The following CDC42SE2 variants were observed in gnomAD, a reference collection of about 807,000 sequenced individuals.
CDC42SE2 encodes the protein CDC42 small effector 2.
Under a neutral mutation model 11.5 loss-of-function variants are expected in CDC42SE2, and 3 were observed. The ratio of observed to expected loss-of-function variants is 0.26; its 90% CI spans 0.12 to 0.67. The LOEUF is 0.67. Ranked by LOEUF, CDC42SE2 falls within the 30% of genes least tolerant of loss-of-function variation. The probability of loss-of-function intolerance (pLI) is 0.80; values close to 1 mark genes in which losing one functional copy is unlikely to be tolerated. For synonymous variants in CDC42SE2, 33 were observed against 34.8 expected (o/e 0.95, Z 0.18); for missense variants, 82 against 106.8 (o/e 0.77, Z 1.02).
At chr5:131,315,192 T>C (rs1306838413) in intron 1 of CDC42SE2, among the ~76,000 whole-genome samples, 1 of 152,076 alleles carries the variant, frequency 6.6e-6, no homozygotes. Flanking sequence ...TTTTGTCTAC[T>C]GTGTTAAGGC....
the CDC42SE2 span, among the ~76,000 whole-genome samples, chr5:131,212,721 T>C: frequency 6.6e-6 from 1 of 152,206 alleles, no homozygotes; most frequent in South Asian, 2.1e-4. Context: ...ATTTCCTTTC[T>C]TGTGAGTTCA....
chr5:131,347,172 A>G (rs1758868445), intron 2 of CDC42SE2, among the ~76,000 whole-genome samples: 2 of 152,206 alleles, frequency 1.3e-5, no homozygotes, highest in Admixed American at 6.5e-5. Context: ...GGAGATAGAG[A>G]CACAAAAAAG....
At chr5:131,247,049 A>G (rs1013317069) in intron 1 of CDC42SE2, among the ~76,000 whole-genome samples, 1 of 152,030 alleles carries the variant, frequency 6.6e-6, no homozygotes, top group African/African-American at 2.4e-5. Context: ...CAGTGCACCA[A>G]TCCTCTTAAA....
chr5:131,282,501 G>C (rs1757256503), intron 1 of CDC42SE2, among the ~76,000 whole-genome samples: 1 of 152,200 alleles, frequency 6.6e-6, no homozygotes, highest in South Asian at 2.1e-4. Context: ...GCATATTTGT[G>C]TGTATTTCCA....
chr5:131,261,911 G>C (rs1386731574), upstream of CDC42SE2, among the ~76,000 whole-genome samples: 2 of 145,280 alleles, frequency 1.4e-5, no homozygotes, highest in African/African-American at 5.1e-5. Context: ...GTCCTTAATT[G>C]ACTTTTTTTT....
chr5:131,310,989 G>T (rs994336965), intron 1 of CDC42SE2, among the ~76,000 whole-genome samples: 8 of 149,862 alleles, frequency 5.3e-5, no homozygotes, highest in East Asian at 1.9e-4. Context: ...TCATTATGAT[G>T]TTAGCTGGTT....
At chr5:131,319,661 C>A (rs370369753) in intron 2 of CDC42SE2, among the ~76,000 whole-genome samples, 5 of 152,214 alleles carry the variant, frequency 3.3e-5, no homozygotes, top group Admixed American at 3.3e-4. Context: ...TCTGTAACAT[C>A]CCGATAAAAT....
intron 3 of CDC42SE2, among the ~76,000 whole-genome samples, chr5:131,369,705 G>A (rs1483651115): frequency 1.3e-5 from 2 of 152,154 alleles, no homozygotes; most frequent in African/African-American, 2.4e-5. Flanking sequence ...TTAATAGGTT[G>A]TGAGCTTCAG....
intron 1 of CDC42SE2, among the ~76,000 whole-genome samples, chr5:131,310,772 C>T (rs1295315559): frequency 3.3e-5 from 5 of 151,672 alleles, no homozygotes; most frequent in Non-Finnish European, 7.4e-5. Context: ...CAACCCCTGC[C>T]TTTTTTTGTT....
chr5:131,219,292 T>C, the CDC42SE2 span, among the ~76,000 whole-genome samples: 1 of 152,218 alleles, frequency 6.6e-6, no homozygotes, highest in Non-Finnish European at 1.5e-5. Flanking sequence ...GATAATGGTA[T>C]AGATTGCACA....
chr5:131,347,775 G>T (rs1024802292), intron 2 of CDC42SE2, among the ~76,000 whole-genome samples: 24 of 152,140 alleles, frequency 1.6e-4, no homozygotes, highest in Non-Finnish European at 2.9e-4. Context: ...ACCAAATCCA[G>T]CAGCACCTCA....
intron 1 of CDC42SE2, among the ~76,000 whole-genome samples, chr5:131,297,287 T>G (rs1757589568): frequency 6.6e-6 from 1 of 152,042 alleles, no homozygotes; most frequent in Non-Finnish European, 1.5e-5. Context: ...TCCATTCTTC[T>G]CCATTGTTTT....
chr5:131,320,732 C>T (rs1758169871), intron 2 of CDC42SE2, among the ~76,000 whole-genome samples: 1 of 151,984 alleles, frequency 6.6e-6, no homozygotes, highest in Non-Finnish European at 1.5e-5. Flanking sequence ...CAGAGCGAGA[C>T]TCTGTCTCAA....
At chr5:131,259,301 A>G (rs996055543), upstream of CDC42SE2, among the ~76,000 whole-genome samples, 7 of 152,220 alleles carry the variant, frequency 4.6e-5, no homozygotes, top group African/African-American at 1.7e-4. Context: ...GATATACTGT[A>G]TGTTGTATAC....
intron 1 of CDC42SE2, among the ~76,000 whole-genome samples, chr5:131,286,911 T>G (rs1394324117): frequency 6.6e-6 from 1 of 151,868 alleles, no homozygotes; most frequent in Non-Finnish European, 1.5e-5. Context: ...ACTTGCAGAT[T>G]TTTGATGGAG....
At chr5:131,252,470 A>G (rs1477391724) in intron 1 of CDC42SE2, among the ~76,000 whole-genome samples, 2 of 152,132 alleles carry the variant, frequency 1.3e-5, no homozygotes, top group Non-Finnish European at 2.9e-5. Context: ...GCTGGCCTAC[A>G]TGGTGAAACC....
intron 2 of CDC42SE2, among the ~76,000 whole-genome samples, chr5:131,321,181 G>A (rs1758179133): frequency 6.6e-6 from 1 of 152,108 alleles, no homozygotes; most frequent in South Asian, 2.1e-4. Flanking sequence ...TTATCTTATG[G>A]TTAAATTCTG....
intron 2 of CDC42SE2, among the ~76,000 whole-genome samples, chr5:131,327,873 C>T (rs1377866649): frequency 6.6e-6 from 1 of 152,028 alleles, no homozygotes; most frequent in Non-Finnish European, 1.5e-5. Flanking sequence ...TCTGAAAAAT[C>T]ATTGTTTTGG....
intron 3 of CDC42SE2, among the ~76,000 whole-genome samples, chr5:131,384,960 C>T (rs898450341): frequency 2.0e-5 from 3 of 151,170 alleles, no homozygotes; most frequent in Non-Finnish European, 3.0e-5. Context: ...TAAGACCCAG[C>T]CTAGTTAGTC....
Sources: allele counts gnomAD v4.1 joint callset (sites outside exome capture counted in the v4.1 genomes callset), GRCh38; gene constraint gnomAD v4.1.1; transcripts MANE v1.5; gene names NCBI Gene and HGNC (gene_info 2026-07-23, HGNC 2026-07-21).